Variants in CNTNAP2 observed in about 807,000 individuals in gnomAD.
CNTNAP2 encodes the protein contactin-associated protein-like 2.
A neutral mutation model predicts 155.2 loss-of-function variants in CNTNAP2; 98 were observed. That is an observed-to-expected ratio of 0.63 (90% CI 0.54 to 0.75). The LOEUF is 0.75. CNTNAP2 is among the 30% of genes least tolerant of loss of function. The probability of loss-of-function intolerance (pLI) is 0.00; values close to 1 mark genes in which losing one functional copy is unlikely to be tolerated. For missense variants in CNTNAP2, 1,727 were observed against 1,688.1 expected (o/e 1.02, Z -0.40); for synonymous variants, 651 against 631.2 (o/e 1.03, Z -0.47).
chr7:146,424,459 G>A lies in CNTNAP2; in HGVS notation c.97+307486G>A, dbSNP rs185535680. ...TGAGTTGTGACAACGTGTACGAAATGTCTACTAGGAAATCTTGCCCAAGAT... is the reference window on the plus strand; with the variant it reads ...TGAGTTGTGACAACGTGTACGAAATATCTACTAGGAAATCTTGCCCAAGAT... On this transcript the variant is annotated intron_variant, in intron 1 of 23. Coordinates refer to ENST00000361727, the MANE Select transcript of CNTNAP2 (RefSeq NM_014141.6). 1.5e-3 allele frequency among the ~76,000 whole-genome samples: 225 copies of A among 152,260 alleles called. 2 individuals are homozygous for A. The highest frequency in any genetic ancestry group is 6.8e-3 in the Middle Eastern group (2 of 294).
intron 8 of CNTNAP2, among the ~76,000 whole-genome samples, chr7:147,181,740 A>G (rs1802459101): frequency 6.6e-6 from 1 of 152,216 alleles, no homozygotes; most frequent in Non-Finnish European, 1.5e-5. Context: ...TCAAAAATAT[A>G]AAATACTTGA....
In CNTNAP2 at chr7:148,383,915, G is replaced by T. The variant is rs757686415; in HGVS notation, c.3715+27G>T. The T allele has an allele frequency of 9.3e-6, 15 of 1,605,014 alleles. No homozygotes were observed. In the Admixed American group the frequency reaches 1.0e-4, roughly 11 times the overall value. ...TAAAGTCTTCAGCAACCTCAGGCAG[G>T]TTGCTTCATTTCTTTAAACCTCAGT... is the stretch of plus-strand genomic sequence containing the variant. On this transcript the variant is annotated intron_variant, in intron 22 of 23. Transcript: ENST00000361727.
chr7:147,132,314 G>C lies in CNTNAP2; in HGVS notation c.1153G>C (p.Glu385Gln). The C allele has an allele frequency of 6.2e-7, 1 of 1,613,724 alleles. No individual in the cohort carries two copies. The highest frequency in any genetic ancestry group is 1.1e-5 in the South Asian group (1 of 91,074). The change falls in exon 8 of 24, where the codon GAG (glutamate) becomes CAG (glutamine). Residue 385 changes from glutamate (E) to glutamine (Q), a missense_variant. Transcript: ENST00000361727. ...CTTTTTCAACGCTACAAGTTACCTG[G>C]AGGTGCCCGGACGGCTTAACCAGGA... is the stretch of plus-strand genomic sequence containing the variant. ...PVFFNATSYL[E>Q]VPGRLNQDLF...
intron 22 of CNTNAP2, among the ~76,000 whole-genome samples, chr7:148,394,862 T>C (rs954868904): frequency 1.3e-5 from 2 of 152,118 alleles, no homozygotes; most frequent in Admixed American, 1.3e-4. Context: ...TTCATAGGTT[T>C]CCCCTGGAAA....
At chr7:146,139,479 A>G (rs1797846526) in intron 1 of CNTNAP2, among the ~76,000 whole-genome samples, 1 of 152,172 alleles carries the variant, frequency 6.6e-6, no homozygotes, top group South Asian at 2.1e-4. Flanking sequence ...AGGGTTTCTA[A>G]AAATCAATGA....
At chr7:148,239,998 C>A (rs1386969453) in intron 20 of CNTNAP2, among the ~76,000 whole-genome samples, 1 of 152,212 alleles carries the variant, frequency 6.6e-6, no homozygotes, top group African/African-American at 2.4e-5. Context: ...TACCACTAAA[C>A]CCACCACATG....
rs553185412 is a variant in CNTNAP2, at chr7:146,959,952, A to G, written c.403-83955A>G. Among the ~76,000 whole-genome samples, 14 of 152,228 alleles carry G rather than the reference A, an allele frequency of 9.2e-5. No homozygotes were observed. In the East Asian group the frequency reaches 2.3e-3, roughly 25 times the overall value. The stretch of plus-strand genomic sequence containing the variant: ...CATCTAGGCTGTCATAAGTAAGAAG[A>G]GAGCAGGGGCTTTAAAACTTGGCTG... On this transcript the variant is annotated intron_variant, in intron 3 of 23. Coordinates refer to ENST00000361727, the MANE Select transcript of CNTNAP2 (RefSeq NM_014141.6).
intron 1 of CNTNAP2, among the ~76,000 whole-genome samples, chr7:146,423,803 T>A (rs1489605612): frequency 6.6e-6 from 1 of 152,208 alleles, no homozygotes; most frequent in Non-Finnish European, 1.5e-5. Flanking sequence ...AGAAGGTAGA[T>A]CTTTTCTTTT....
intron 14 of CNTNAP2, among the ~76,000 whole-genome samples, chr7:147,977,558 A>G (rs539859774): frequency 6.6e-6 from 1 of 152,304 alleles, no homozygotes; most frequent in Admixed American, 6.5e-5. Context: ...ATGTGTGCTC[A>G]GGGTTTGACA....
intron 1 of CNTNAP2, among the ~76,000 whole-genome samples, chr7:146,362,919 T>C (rs1417596784): frequency 1.3e-5 from 2 of 151,968 alleles, no homozygotes; most frequent in African/African-American, 4.8e-5. Flanking sequence ...TACAGGCGTG[T>C]GCCACCACGC....
At chr7:148,080,961 G>A (rs963549063) in intron 15 of CNTNAP2, among the ~76,000 whole-genome samples, 2 of 152,130 alleles carry the variant, frequency 1.3e-5, no homozygotes, top group African/African-American at 4.8e-5. Flanking sequence ...AGACGGGGAG[G>A]AAAGAATAAA....
At chr7:147,570,597 C>A (rs1413893868) in intron 12 of CNTNAP2, among the ~76,000 whole-genome samples, 2 of 152,072 alleles carry the variant, frequency 1.3e-5, no homozygotes, top group African/African-American at 4.8e-5. Flanking sequence ...TAATTGAGGG[C>A]AAACTAAATG....
intron 3 of CNTNAP2, among the ~76,000 whole-genome samples, chr7:146,940,786 GTA>G (rs1273475842): frequency 6.6e-6 from 1 of 151,052 alleles, no homozygotes; most frequent in Non-Finnish European, 1.5e-5. Flanking sequence ...TACAGTTGCT[GTA>G]TATATAGTTG....
At chr7:147,578,045 T>C (rs961371521) in intron 12 of CNTNAP2, among the ~76,000 whole-genome samples, 8 of 152,132 alleles carry the variant, frequency 5.3e-5, no homozygotes, top group African/African-American at 1.9e-4. Flanking sequence ...TTGTGGCCGC[T>C]TTAGAATCTA....
intron 8 of CNTNAP2, among the ~76,000 whole-genome samples, chr7:147,216,259 C>T (rs1041221690): frequency 6.6e-6 from 1 of 151,854 alleles, no homozygotes; most frequent in Admixed American, 6.6e-5. Context: ...TATTGCCAAA[C>T]CTAAGGTCAT....
intron 9 of CNTNAP2, among the ~76,000 whole-genome samples, chr7:147,349,685 T>C (rs563496859): frequency 6.6e-6 from 1 of 152,074 alleles, no homozygotes; most frequent in East Asian, 1.9e-4. Context: ...GCCATACTTC[T>C]TATTGGAACT....
intron 1 of CNTNAP2, among the ~76,000 whole-genome samples, chr7:146,608,587 A>G (rs1221974478): frequency 6.6e-6 from 1 of 152,130 alleles, no homozygotes; most frequent in African/African-American, 2.4e-5. Context: ...TTCTCCTCAT[A>G]TTTCTCTCTT....
intron 4 of CNTNAP2, chr7:147,083,271 T>C (rs1800176852): frequency 6.6e-6 from 1 of 151,998 alleles, no homozygotes; most frequent in Non-Finnish European, 1.5e-5. Flanking sequence ...AAATGGATGT[T>C]AGGTCGGCAA....
At chr7:146,510,925 C>A (rs1250889605) in intron 1 of CNTNAP2, among the ~76,000 whole-genome samples, 1 of 152,038 alleles carries the variant, frequency 6.6e-6, no homozygotes, top group African/African-American at 2.4e-5. Context: ...GAGAGGGAGT[C>A]TCGCTCTGTC....
Sources: gnomAD v4.1 joint callset for allele counts (sites outside exome capture counted in the v4.1 genomes callset) on GRCh38, gnomAD v4.1.1 for gene constraint, MANE v1.5 for transcripts, NCBI Gene and HGNC (gene_info 2026-07-23, HGNC 2026-07-21) for gene names.